PRKAG2: variants seen among roughly 807,000 people sequenced by gnomAD.
PRKAG2 encodes 5'-AMP-activated protein kinase subunit gamma-2.
In PRKAG2, 26 loss-of-function variants were observed where a neutral mutation model predicts 69.6. The observed-to-expected ratio is 0.37, with a 90% CI of 0.27 to 0.52. PRKAG2 has a LOEUF of 0.52. Among genes scored for constraint, PRKAG2 ranks in the 20% least tolerant of loss-of-function variants. The pLI, the probability that PRKAG2 is intolerant of heterozygous loss-of-function variation, is 0.90. For missense variants in PRKAG2, 557 were observed against 740.0 expected (o/e 0.75, Z 2.87); for synonymous variants, 293 against 285.0 (o/e 1.03, Z -0.28).
chr7:151,858,832 G>A (rs775143843), intron 1 of PRKAG2, among the ~76,000 whole-genome samples: 1 of 152,290 alleles, frequency 6.6e-6, no homozygotes, highest in Non-Finnish European at 1.5e-5. Context: ...GCACAGTGTG[G>A]AGCACTTGGA....
chr7:151,758,914 A>G (rs1205606546), intron 3 of PRKAG2, among the ~76,000 whole-genome samples: 1 of 152,168 alleles, frequency 6.6e-6, no homozygotes, highest in African/African-American at 2.4e-5. Flanking sequence ...AGGAGGCGGG[A>G]GACCATGCTA....
chr7:151,735,351 T>TC (rs1252162732), intron 3 of PRKAG2, among the ~76,000 whole-genome samples: 1 of 152,066 alleles, frequency 6.6e-6, no homozygotes, highest in East Asian at 1.9e-4. Context: ...CCTGACCCCA[T>TC]CCTCCTGTAC....
chr7:151,798,513 C>T (rs1248779378), intron 1 of PRKAG2, among the ~76,000 whole-genome samples: 1 of 152,142 alleles, frequency 6.6e-6, no homozygotes, highest in South Asian at 2.1e-4. Context: ...TGGCGTTTTC[C>T]CATGTTGTCC....
chr7:151,806,303 T>C (rs1183245754), intron 1 of PRKAG2, among the ~76,000 whole-genome samples: 1 of 152,170 alleles, frequency 6.6e-6, no homozygotes, highest in African/African-American at 2.4e-5. Context: ...ACTTCCTCAT[T>C]TATTATTAAA....
intron 5 of PRKAG2, among the ~76,000 whole-genome samples, chr7:151,602,262 A>G (rs1011752426): frequency 7.2e-5 from 11 of 152,362 alleles, no homozygotes; most frequent in African/African-American, 2.6e-4. Flanking sequence ...AAAATTCAAA[A>G]GCAAGAAATC....
chr7:151,617,431 A>G (rs992107109), intron 5 of PRKAG2, among the ~76,000 whole-genome samples: 3 of 152,108 alleles, frequency 2.0e-5, no homozygotes, highest in African/African-American at 7.2e-5. Flanking sequence ...TGTCTCAGGA[A>G]TTGATGCATT....
chr7:151,655,990 T>C (rs1315634709), intron 4 of PRKAG2, among the ~76,000 whole-genome samples: 1 of 152,230 alleles, frequency 6.6e-6, no homozygotes, highest in African/African-American at 2.4e-5. Flanking sequence ...ACTTAATTTG[T>C]AAATTTCATT....
At position 151,850,836 on chromosome 7, in the gene PRKAG2, T is replaced by TC. The variant is rs1210868192; in HGVS notation, c.114+25670dup. Reference sequence around the variant, plus strand: ...ACTTTGATGCTGAAGATCTAGTCCCTCCCCCCACAGTCACTGATGGTGTCA... The same window carrying TC: ...ACTTTGATGCTGAAGATCTAGTCCCTCCCCCCCACAGTCACTGATGGTGTCA... On this transcript the variant is annotated intron_variant, in intron 1 of 15. Coordinates refer to ENST00000287878, the MANE Select transcript of PRKAG2 (RefSeq NM_016203.4). This position sits in a 1 kb window ranked among gnomAD's most constrained non-coding sequence, Gnocchi z 4.1. Among the ~76,000 whole-genome samples, 1 of 151,802 alleles carries TC rather than the reference T, an allele frequency of 6.6e-6. No individual in the cohort carries two copies. The highest frequency in any genetic ancestry group is 2.4e-5 in the African/African-American group (1 of 41,286).
intron 4 of PRKAG2, among the ~76,000 whole-genome samples, chr7:151,635,645 G>A (rs1331893019): frequency 2.0e-5 from 3 of 152,092 alleles, no homozygotes; most frequent in Non-Finnish European, 2.9e-5. Context: ...TAAAATGGTC[G>A]AAATGGAGAA....
intron 4 of PRKAG2, among the ~76,000 whole-genome samples, chr7:151,647,391 T>A (rs1827750858): frequency 6.6e-6 from 1 of 152,222 alleles, no homozygotes; most frequent in Non-Finnish European, 1.5e-5. Context: ...GAAGGTTATA[T>A]TCTAATTAGG....
At position 151,825,565 on chromosome 7, in the gene PRKAG2, A is replaced by C. The variant is rs573480400; in HGVS notation, c.115-39024T>G. Among the ~76,000 whole-genome samples the C allele has an allele frequency of 1.4e-4, 22 of 152,316 alleles. No individual in the cohort carries two copies. In the South Asian group the frequency reaches 3.3e-3, roughly 23 times the overall value. The stretch of plus-strand genomic sequence containing the variant: ...TGGCACCCTAGGTGACAGGGGTACC[A>C]GATGAAGCACAAGTCTCCGCCCTCC... On this transcript the variant is annotated intron_variant, in intron 1 of 15. Coordinates refer to ENST00000287878, the MANE Select transcript of PRKAG2 (RefSeq NM_016203.4).
chr7:151,834,018 AAAG>A (rs1201867929), intron 1 of PRKAG2, among the ~76,000 whole-genome samples: 2 of 152,236 alleles, frequency 1.3e-5, no homozygotes, highest in Non-Finnish European at 2.9e-5. Context: ...ATCTACTTAA[AAAG>A]TTACCTTTGC....
chr7:151,736,219 C>A, intron 3 of PRKAG2: 2 of 1,393,362 alleles, frequency 1.4e-6, no homozygotes, highest in Non-Finnish European at 1.9e-6. Context: ...TGTGAGGCGC[C>A]AGGGAGTGGA....
intron 3 of PRKAG2, among the ~76,000 whole-genome samples, chr7:151,759,625 G>C (rs184735089): frequency 6.6e-6 from 1 of 152,194 alleles, no homozygotes; most frequent in Admixed American, 6.5e-5. Flanking sequence ...AAGGTGAACC[G>C]CACTGGAAAA....
intron 3 of PRKAG2, among the ~76,000 whole-genome samples, chr7:151,680,884 G>A (rs547479131): frequency 5.9e-5 from 9 of 152,140 alleles, no homozygotes; most frequent in Non-Finnish European, 1.3e-4. Flanking sequence ...CTTTCTCTTC[G>A]AGAAGTTTTT....
At chr7:151,615,158 A>G (rs1819796902) in intron 5 of PRKAG2, among the ~76,000 whole-genome samples, 1 of 152,228 alleles carries the variant, frequency 6.6e-6, no homozygotes, top group Non-Finnish European at 1.5e-5. Context: ...TTAGTTTGCT[A>G]AAGACAATGG....
chr7:151,752,274 G>A (rs1249392451), intron 3 of PRKAG2, among the ~76,000 whole-genome samples: 1 of 152,150 alleles, frequency 6.6e-6, no homozygotes, highest in African/African-American at 2.4e-5. Flanking sequence ...AGCTGGAGGC[G>A]ATCATCCTTA....
In PRKAG2 at chr7:151,814,346, G is replaced by A. The variant is rs2078572453; in HGVS notation, c.115-27805C>T. ...CCAAGGAGACAAAGCATCGTGAGGG[G>A]GAAAACCGCACACCCAGGGACGCAC... On this transcript the variant is annotated intron_variant, in intron 1 of 15. Transcript: ENST00000287878. The surrounding 1 kb of genome is among the most constrained non-coding windows in gnomAD (Gnocchi z 4.8). 1 of 1,092,926 alleles carries A rather than the reference G, an allele frequency of 9.1e-7. No individual in the cohort carries two copies. Among genetic ancestry groups the A allele is most frequent in the Non-Finnish European group, 1.1e-6 (1 of 874,682 alleles). The allele number at this position is 1,092,926 out of a possible 1,614,324, so 67.7% of individuals were successfully genotyped here.
intron 4 of PRKAG2, among the ~76,000 whole-genome samples, chr7:151,652,391 C>T (rs1053509557): frequency 3.3e-5 from 5 of 152,110 alleles, no homozygotes; most frequent in African/African-American, 1.2e-4. Flanking sequence ...AAAAGCTTTG[C>T]AGCAATGTAA....
Sources: allele counts gnomAD v4.1 joint callset (sites outside exome capture counted in the v4.1 genomes callset), GRCh38; gene constraint gnomAD v4.1.1; non-coding constraint Gnocchi (gnomAD v3.1); transcripts MANE v1.5; gene names NCBI Gene and HGNC (gene_info 2026-07-23, HGNC 2026-07-21).